The following ANXA7 variants were observed in gnomAD, a reference collection of about 807,000 sequenced individuals.
The protein encoded by ANXA7 is annexin A7.
ANXA7 carries 55 observed loss-of-function variants against 64.9 expected under a neutral mutation model. That is an observed-to-expected ratio of 0.85 (90% CI 0.68 to 1.06). The LOEUF (loss-of-function observed/expected upper bound fraction) is 1.06. ANXA7 is among the 50% of genes least tolerant of loss of function. ANXA7 has a pLI of 0.00. For synonymous variants in ANXA7, 200 were observed against 192.4 expected, an observed-to-expected ratio of 1.04 and a Z score of -0.33; for missense variants, 548 against 582.1, an observed-to-expected ratio of 0.94 and a Z score of 0.60.
chr10:73,396,693 C>G lies in ANXA7; in HGVS notation c.371-110G>C, dbSNP rs190304726. ...ATGGAAACATACAAGAACATTCACA[C>G]TATGATACTTATGAGGATAGTTTTT... On this transcript the variant is annotated intron_variant, in intron 4 of 12. Coordinates refer to ENST00000372921, the MANE Select transcript of ANXA7 (RefSeq NM_001156.5). The G allele has an allele frequency of 1.6e-3, 1,010 of 632,500 alleles. 6 individuals are homozygous for G. The highest frequency in any genetic ancestry group is 4.8e-3 in the South Asian group (178 of 36,784). 39.2% of individuals were successfully genotyped at this position (632,500 alleles called of 1,614,324 possible). A position where few individuals can be genotyped will look rare whatever the true frequency, so the allele number is the denominator to read the frequency against.
chr10:73,384,482 AC>A, intron 7 of ANXA7, among the ~76,000 whole-genome samples: 1 of 150,190 alleles, frequency 6.7e-6, no homozygotes, highest in Middle Eastern at 3.4e-3. Flanking sequence ...GCTAACTGCA[AC>A]CTCTGCCTCC....
rs1316543190 is a variant in ANXA7, at chr10:73,375,997, C to T, written c.*98G>A. On this transcript the variant is annotated 3_prime_UTR_variant, in exon 13 of 13. Coordinates refer to ENST00000372921, the MANE Select transcript of ANXA7 (RefSeq NM_001156.5). Reference sequence around the variant, plus strand: ...TACGGTCCTTGACAGAAAGCTCTTTCGGTTAGCTGATGTTTGATATTGCTG... The same window carrying T: ...TACGGTCCTTGACAGAAAGCTCTTTTGGTTAGCTGATGTTTGATATTGCTG... 1.6e-5 allele frequency: 17 copies of T among 1,056,440 alleles called. No individual in the cohort carries two copies. The highest frequency in any genetic ancestry group is 6.6e-5 in the Admixed American group (2 of 30,288). The allele number at this position is 1,056,440 out of a possible 1,614,324, so 65.4% of individuals were successfully genotyped here. A position where few individuals can be genotyped will look rare whatever the true frequency, so the allele number is the denominator to read the frequency against.
intron 12 of ANXA7, 54 bp from the exon 13 acceptor site, chr10:73,376,271 C>T: frequency 6.8e-7 from 1 of 1,471,882 alleles, no homozygotes. Context: ...ACTGACATTT[C>T]TTAAAATTCT....
At chr10:73,389,226 T>C (rs1215479626) in intron 5 of ANXA7, among the ~76,000 whole-genome samples, 1 of 152,072 alleles carries the variant, frequency 6.6e-6, no homozygotes, top group African/African-American at 2.4e-5. Context: ...CAAACCCAAA[T>C]TAAGAAATAT....
intron 5 of ANXA7, chr10:73,396,175 G>T: frequency 9.7e-7 from 1 of 1,035,132 alleles, no homozygotes; most frequent in Non-Finnish European, 1.5e-6. Context: ...ATAAATCACT[G>T]TCAGAAATAC....
At chr10:73,384,471 G>A (rs530081943) in intron 7 of ANXA7, among the ~76,000 whole-genome samples, 6 of 151,226 alleles carry the variant, frequency 4.0e-5, no homozygotes, top group South Asian at 4.2e-4. Context: ...GTGTGATCTC[G>A]GCTAACTGCA....
rs1381480277 is a variant in ANXA7, at chr10:73,375,151, G to A, written c.*944C>T. On this transcript the variant is annotated 3_prime_UTR_variant, in exon 13 of 13. Coordinates refer to ENST00000372921, the MANE Select transcript of ANXA7 (RefSeq NM_001156.5). ...TCTAAAATAGCTGAACTTAAACACA[G>A]TGGTGGTTGTCCAGGTGAGAGGTGG... 1 of 152,178 alleles carries A rather than the reference G, an allele frequency of 6.6e-6. No homozygotes were observed. The highest frequency in any genetic ancestry group is 2.4e-5 in the African/African-American group (1 of 41,434). 9.4% of individuals were successfully genotyped at this position (152,178 alleles called of 1,614,324 possible).
chr10:73,409,825 C>T (rs566436073), intron 1 of ANXA7, among the ~76,000 whole-genome samples: 4 of 152,190 alleles, frequency 2.6e-5, no homozygotes, highest in African/African-American at 9.6e-5. Flanking sequence ...GCACATAGAC[C>T]AATGGAACAA....
chr10:73,378,785 C>T (rs953295833), intron 12 of ANXA7, 126 bp downstream of exon 12: 6 of 706,996 alleles, frequency 8.5e-6, no homozygotes, highest in Non-Finnish European at 1.5e-5. Context: ...TATACCACCT[C>T]TTTTAGGTGG....
intron 7 of ANXA7, among the ~76,000 whole-genome samples, chr10:73,386,873 CTA>C (rs1440953765): frequency 6.6e-6 from 1 of 152,070 alleles, no homozygotes; most frequent in South Asian, 2.1e-4. Flanking sequence ...TGAAGTCTCC[CTA>C]TGTTGCCCAG....
intron 1 of ANXA7, among the ~76,000 whole-genome samples, chr10:73,402,950 A>C (rs1158344159): frequency 1.3e-5 from 2 of 151,586 alleles, no homozygotes; most frequent in Non-Finnish European, 2.9e-5. Flanking sequence ...TCAGCCTCCC[A>C]AGTAGCTGGG....
intron 7 of ANXA7, 44 bp downstream of exon 7, chr10:73,387,645 C>T: frequency 7.1e-7 from 1 of 1,412,784 alleles, no homozygotes; most frequent in South Asian, 1.1e-5. Context: ...AATGCAGAGT[C>T]TACCAGCCAC....
intron 1 of ANXA7, among the ~76,000 whole-genome samples, chr10:73,411,990 C>T (rs949319623): frequency 6.6e-6 from 1 of 152,138 alleles, no homozygotes; most frequent in Non-Finnish European, 1.5e-5. Flanking sequence ...AAAACAGTGA[C>T]TGCTTCCTGG....
At chr10:73,392,362 C>A (rs2055499255) in intron 5 of ANXA7, among the ~76,000 whole-genome samples, 1 of 152,068 alleles carries the variant, frequency 6.6e-6, no homozygotes, top group African/African-American at 2.4e-5. Flanking sequence ...AGGCCAACAT[C>A]ATCATGATAA....
At chr10:73,400,889 G>GT (rs772224918) in intron 1 of ANXA7, 32 bp from the exon 2 acceptor site, 1 of 1,550,330 alleles carries the variant, frequency 6.5e-7, no homozygotes, top group Non-Finnish European at 8.8e-7. Context: ...TCCTCTGTAA[G>GT]TTTTTTGTTG....
rs1377387057 is a variant in ANXA7 at position 73,388,497 on chromosome 10, A to G, written c.436-83T>C. The G allele has an allele frequency of 1.1e-5, 11 of 1,041,854 alleles. No individual in the cohort carries two copies. In the Admixed American group the frequency reaches 1.2e-4, roughly 11 times the overall value. The allele number at this position is 1,041,854 out of a possible 1,614,324, so 64.5% of individuals were successfully genotyped here. ...AACTTAAAGACTTCCCCAGACATCA[A>G]TCTTAAGTAAGAAGGCCAATGTTTG... On this transcript the variant is annotated intron_variant, in intron 5 of 12. Transcript: ENST00000372921.
At chr10:73,400,147 CACAA>C (rs143217032) in intron 2 of ANXA7, among the ~76,000 whole-genome samples, 10,457 of 151,942 alleles carry the variant, frequency 0.069, 598 homozygotes, top group East Asian at 0.3. Context: ...ATCTCAAAAA[CACAA>C]ACAAACAAAC....
At chr10:73,393,988 A>C (rs2055529075) in intron 5 of ANXA7, among the ~76,000 whole-genome samples, 1 of 152,236 alleles carries the variant, frequency 6.6e-6, no homozygotes. Context: ...TCCAAAATCT[A>C]CAAAGAACTT....
chr10:73,395,964 G>C (rs1024080126), intron 5 of ANXA7: 3 of 892,944 alleles, frequency 3.4e-6, no homozygotes, highest in Admixed American at 3.7e-5. Context: ...GAAGTAGTGA[G>C]AGACAAGTAC....
Sources: allele counts gnomAD v4.1 joint callset (sites outside exome capture counted in the v4.1 genomes callset), GRCh38; gene constraint gnomAD v4.1.1; transcripts MANE v1.5; gene names NCBI Gene and HGNC (gene_info 2026-07-23, HGNC 2026-07-21).